The following CDH22 variants were observed in gnomAD, a reference collection of about 807,000 sequenced individuals.
CDH22 encodes the protein cadherin 22, also known as cadherin-22.
In CDH22, 30 loss-of-function variants were observed where a neutral mutation model predicts 58.4. That is an observed-to-expected ratio of 0.51 (90% confidence interval 0.38 to 0.70). CDH22 has a LOEUF of 0.70. Ranked by LOEUF, CDH22 falls within the 30% of genes least tolerant of loss-of-function variation. The probability of loss-of-function intolerance (pLI) is 0.00; values close to 1 mark genes in which losing one functional copy is unlikely to be tolerated. For missense variants in CDH22, 1,014 were observed against 1,233.9 expected, an observed-to-expected ratio of 0.82 and a Z score of 2.67; for synonymous variants, 513 against 558.2, an observed-to-expected ratio of 0.92 and a Z score of 1.14.
intron 1 of CDH22, among the ~76,000 whole-genome samples, chr20:46,290,641 G>C (rs1275658283): frequency 6.6e-6 from 1 of 152,184 alleles, no homozygotes; most frequent in Non-Finnish European, 1.5e-5. Context: ...CCTGGATGGA[G>C]CTGCTGACAG....
At chr20:46,198,360 C>T (rs1263070725) in intron 8 of CDH22, among the ~76,000 whole-genome samples, 1 of 151,524 alleles carries the variant, frequency 6.6e-6, no homozygotes, top group Non-Finnish European at 1.5e-5. Context: ...AGGCCAAACA[C>T]CCTGGAGTCA....
chr20:46,254,749 G>A (rs1002650505), intron 1 of CDH22, among the ~76,000 whole-genome samples: 23 of 152,080 alleles, frequency 1.5e-4, no homozygotes, highest in Admixed American at 1.4e-3. Context: ...TAAAGATATG[G>A]TATCAGGGAG....
At chr20:46,276,676 C>T (rs1428452900) in intron 1 of CDH22, among the ~76,000 whole-genome samples, 1 of 152,214 alleles carries the variant, frequency 6.6e-6, no homozygotes, top group Non-Finnish European at 1.5e-5. Flanking sequence ...ATCCAGCATG[C>T]AGGTAGAGTC....
At chr20:46,233,574 G>C (rs910437483) in intron 3 of CDH22, among the ~76,000 whole-genome samples, 1 of 152,150 alleles carries the variant, frequency 6.6e-6, no homozygotes, top group Non-Finnish European at 1.5e-5. Flanking sequence ...CTAGACCCTC[G>C]AGGGCAGGAT....
At chr20:46,202,338 T>C (rs2085967329) in intron 7 of CDH22, among the ~76,000 whole-genome samples, 1 of 151,698 alleles carries the variant, frequency 6.6e-6, no homozygotes. Flanking sequence ...AAATTGGGGA[T>C]TCTCTCCCAG....
chr20:46,299,808 G>C (rs557611766), intron 1 of CDH22, among the ~76,000 whole-genome samples: 1 of 152,314 alleles, frequency 6.6e-6, no homozygotes, highest in Non-Finnish European at 1.5e-5. Context: ...CAGCTAGTAA[G>C]TGGCAGGGCA....
rs562040493 is a variant in CDH22, at chr20:46,279,998, C to T, written c.-400+28257G>A. Among the ~76,000 whole-genome samples, 50 of 152,182 alleles carry T rather than the reference C, an allele frequency of 3.3e-4. 1 individual carries two copies. The highest frequency in any genetic ancestry group is 1.7e-3 in the South Asian group (8 of 4,818). On this transcript the variant is annotated intron_variant, in intron 1 of 11. Transcript: ENST00000537909. ...ATTTCTGTGCTATTGAGGAGGAAAC[C>T]GGGGCACAGAGGGCTGCAGTGATTT...
intron 1 of CDH22, among the ~76,000 whole-genome samples, chr20:46,277,655 G>A (rs1156734193): frequency 6.6e-6 from 1 of 151,968 alleles, no homozygotes; most frequent in Non-Finnish European, 1.5e-5. Context: ...GGGTGAGTTT[G>A]GAGGAGGGCC....
At chr20:46,191,955 C>A (rs118016871) in intron 8 of CDH22, among the ~76,000 whole-genome samples, 2,127 of 152,216 alleles carry the variant, frequency 0.014, 23 homozygotes, top group South Asian at 0.036. Flanking sequence ...TCACTCTGCT[C>A]CAAGTTTGCT....
chr20:46,261,203 T>C (rs547612959), intron 1 of CDH22, among the ~76,000 whole-genome samples: 3 of 152,302 alleles, frequency 2.0e-5, no homozygotes, highest in African/African-American at 4.8e-5. Context: ...AGATGAGGCA[T>C]GTGAAGGAAT....
At position 46,241,252 on chromosome 20, in the gene CDH22, G is replaced by T. The variant is rs1266092000; in HGVS notation, c.261C>A (p.His87Gln). 2.5e-6 allele frequency: 4 copies of T among 1,596,680 alleles called. No homozygotes were observed. The highest frequency in any genetic ancestry group is 1.7e-4 in the Middle Eastern group (1 of 5,994). ...CCCCGTCACCCTCGTCTGAGTCGGA[G>T]TGGATCTGGGTAGGCAGAGAAGAAG... ...GTEPLYVGKI[H>Q]SDSDEGDGAI... Residue 87 changes from histidine (H) to glutamine (Q), a missense_variant, in exon 3 of 12, where the codon CAC (histidine) becomes CAA (glutamine). His to Gln is a conservative substitution (Grantham distance 24). Transcript: ENST00000537909. The surrounding 1 kb of genome is among the most constrained non-coding windows in gnomAD (Gnocchi z 5.2).
intron 3 of CDH22, among the ~76,000 whole-genome samples, chr20:46,237,187 A>AG (rs35376403): frequency 6.6e-6 from 1 of 152,162 alleles, no homozygotes; most frequent in Non-Finnish European, 1.5e-5. Context: ...TGGGGTCCAG[A>AG]GGGGGCAGGA....
At chr20:46,184,653 G>A (rs545680175) in intron 10 of CDH22, among the ~76,000 whole-genome samples, 43 of 152,278 alleles carry the variant, frequency 2.8e-4, no homozygotes, top group Middle Eastern at 3.4e-3. Flanking sequence ...CCCCGACACA[G>A]AGGCTTTGTG....
chr20:46,299,616 ATTAAAAT>A (rs777477752), intron 1 of CDH22, among the ~76,000 whole-genome samples: 3 of 114,566 alleles, frequency 2.6e-5, no homozygotes, highest in Non-Finnish European at 6.2e-5. Flanking sequence ...TCAAAAAAAA[ATTAAAAT>A]AATAATAATA....
intron 1 of CDH22, among the ~76,000 whole-genome samples, chr20:46,254,076 C>T (rs913349908): frequency 6.6e-6 from 1 of 152,230 alleles, no homozygotes; most frequent in Non-Finnish European, 1.5e-5. Context: ...TTCACTCATT[C>T]ATTTATTGAA....
intron 1 of CDH22, among the ~76,000 whole-genome samples, chr20:46,280,777 C>T (rs778110760): frequency 1.3e-5 from 2 of 152,210 alleles, no homozygotes; most frequent in Non-Finnish European, 1.5e-5. Context: ...CAGGTTGCTG[C>T]GGGCAAAATG....
At chr20:46,275,177 C>T (rs553734148) in intron 1 of CDH22, among the ~76,000 whole-genome samples, 45 of 152,290 alleles carry the variant, frequency 3.0e-4, no homozygotes, top group Non-Finnish European at 5.4e-4. Flanking sequence ...CTACATGATC[C>T]GCCCCTGTGG....
At chr20:46,209,841 T>G in intron 7 of CDH22, 1 of 156,980 alleles carries the variant, frequency 6.4e-6, no homozygotes, top group Non-Finnish European at 1.4e-5. Context: ...TTTTTTTCTT[T>G]TGATGGAGAG....
chr20:46,227,476 G>GC, intron 4 of CDH22, 32 bp downstream of exon 4: 1 of 479,396 alleles, frequency 2.1e-6, no homozygotes, highest in Non-Finnish European at 3.8e-6. Flanking sequence ...CCCGCCCCAC[G>GC]GCTCCGCCTC....
Sources: allele counts gnomAD v4.1 joint callset (sites outside exome capture counted in the v4.1 genomes callset), GRCh38; gene constraint gnomAD v4.1.1; non-coding constraint Gnocchi (gnomAD v3.1); transcripts MANE v1.5; gene names NCBI Gene and HGNC (gene_info 2026-07-23, HGNC 2026-07-21).